Variants in CLK4 observed in about 807,000 individuals in gnomAD.
The protein encoded by CLK4 is CDC like kinase 4, also known as dual specificity protein kinase CLK4.
In CLK4, 37 loss-of-function variants were observed where a neutral mutation model predicts 64.4. That is an observed-to-expected ratio of 0.57 (90% CI 0.44 to 0.76). The LOEUF (loss-of-function observed/expected upper bound fraction) is 0.76. Ranked by LOEUF, CLK4 falls within the 30% of genes least tolerant of loss-of-function variation. The pLI is 0.00. For synonymous variants in CLK4, 175 were observed against 191.6 expected (o/e 0.91, Z 0.72); for missense variants, 457 against 605.1 (o/e 0.76, Z 2.57).
intron 2 of CLK4, chr5:178,620,711 C>T: frequency 8.5e-6 from 3 of 352,704 alleles, no homozygotes; most frequent in South Asian, 6.1e-5. Flanking sequence ...AAGGCAAAGT[C>T]CCTGCCAACA....
rs1764570704 is a variant in CLK4, at chr5:178,612,477, A to G, written c.990T>C (p.Asp330=). The stretch of plus-strand genomic sequence containing the variant: ...ACACCAAAGTACTGTGATGTTCATC[A>G]TCATACGTTGCACTTCCAAAGTCAA... ...KVVDFGSATY[D]DEHHSTLVST... The change falls in exon 9 of 13, where the codon GAT becomes GAC. Residue 330 remains aspartate (D), a synonymous_variant. Coordinates refer to ENST00000316308, the MANE Select transcript of CLK4 (RefSeq NM_020666.3). 2 of 1,614,136 alleles carry G rather than the reference A, an allele frequency of 1.2e-6. No homozygotes were observed. The highest frequency in any genetic ancestry group is 8.5e-7 in the Non-Finnish European group (1 of 1,179,990).
Position 178,627,030 on chromosome 5 carries a change from C to T in CLK4, c.-85G>A, listed in dbSNP as rs1764792849. 1.3e-5 allele frequency: 2 copies of T among 152,936 alleles called. No homozygotes were observed. Among genetic ancestry groups the T allele is most frequent in the African/African-American group, 4.8e-5 (2 of 41,604 alleles). The allele number at this position is 152,936 out of a possible 1,614,324, so 9.5% of individuals were successfully genotyped here. On this transcript the variant is annotated 5_prime_UTR_variant, in exon 1 of 13. It adds an upstream start codon to the 5' untranslated region. Coordinates refer to ENST00000316308, the MANE Select transcript of CLK4 (RefSeq NM_020666.3). ...CTCGGCCGCTGCGACAAACACCCCA[C>T]AAAATGGCGGCAGCGCCGTCGCCCT...
At chr5:178,626,683 C>G (rs527933898) in intron 1 of CLK4, among the ~76,000 whole-genome samples, 1 of 149,750 alleles carries the variant, frequency 6.7e-6, no homozygotes, top group South Asian at 2.1e-4. Context: ...CCGCGCTCGC[C>G]AGGCAGCAGG....
chr5:178,615,163 C>T (rs1205993393), intron 5 of CLK4, among the ~76,000 whole-genome samples: 2 of 151,992 alleles, frequency 1.3e-5, no homozygotes, highest in African/African-American at 4.8e-5. Context: ...CCAGCCAGAG[C>T]AACACAGTGA....
chr5:178,608,206 T>C (rs182003484), intron 10 of CLK4, among the ~76,000 whole-genome samples, 170 bp downstream of exon 10: 25 of 152,360 alleles, frequency 1.6e-4, no homozygotes, highest in Admixed American at 1.5e-3. Flanking sequence ...CACTCACTCA[T>C]AGTAATATTT....
chr5:178,622,448 C>T, intron 2 of CLK4: 1 of 985,590 alleles, frequency 1.0e-6, no homozygotes, highest in Non-Finnish European at 1.2e-6. Context: ...GTAAACAGTC[C>T]CAATGGAACA....
At chr5:178,606,370 TC>T (rs1266104661) in intron 10 of CLK4, among the ~76,000 whole-genome samples, 1 of 152,092 alleles carries the variant, frequency 6.6e-6, no homozygotes, top group African/African-American at 2.4e-5. Context: ...TTCTAAGACA[TC>T]AAACTTATCT....
chr5:178,625,044 T>C (rs1401254787), intron 1 of CLK4, among the ~76,000 whole-genome samples: 1 of 151,384 alleles, frequency 6.6e-6, no homozygotes, highest in Non-Finnish European at 1.5e-5. Flanking sequence ...AAAACTCTTG[T>C]TAGCGTCTCA....
intron 5 of CLK4, among the ~76,000 whole-genome samples, chr5:178,615,295 T>C (rs1177421442): frequency 8.5e-5 from 13 of 152,212 alleles, no homozygotes; most frequent in Admixed American, 8.5e-4. Context: ...CTGAATAAAG[T>C]CTGCAGATTA....
chr5:178,605,391 T>A lies in CLK4; in HGVS notation c.1135-9A>T. 6.5e-7 allele frequency: 1 copy of A among 1,547,656 alleles called. No homozygotes were observed. Among genetic ancestry groups the A allele is most frequent in the Admixed American group, 2.1e-5 (1 of 47,580 alleles). ...TCTTTACTATCATGAGTCTAAAACA[T>A]GTAAGAAAAAGAAATTTAGTACTCT... On this transcript the variant is annotated splice_polypyrimidine_tract_variant and intron_variant, in intron 10 of 12. Coordinates refer to ENST00000316308, the MANE Select transcript of CLK4 (RefSeq NM_020666.3).
chr5:178,617,371 G>T lies in CLK4; in HGVS notation c.448C>A (p.Gln150Lys). 6.2e-7 allele frequency: 1 copy of T among 1,613,902 alleles called. No individual in the cohort carries two copies. Among genetic ancestry groups the T allele is most frequent in the Non-Finnish European group, 8.5e-7 (1 of 1,179,780 alleles). The change falls in exon 4 of 13, where the codon CAA becomes AAA. Residue 150 changes from glutamine (Q) to lysine (K), a missense_variant. Gln to Lys is a moderately conservative substitution (Grantham distance 53, BLOSUM62 1). Transcript: ENST00000316308. The surrounding 1 kb of genome is among the most constrained non-coding windows in gnomAD (Gnocchi z 5.2). ...EDDEEGHLIC[Q>K]SGDVLRARYE... The stretch of plus-strand genomic sequence containing the variant: ...CTTGCTCTTAGAACGTCTCCACTTT[G>T]ACAGATCAGGTGACCCTCCTCATCA...
In CLK4 at chr5:178,613,573, C is replaced by T. The variant is rs765407044; in HGVS notation, c.726G>A (p.Leu242=). 9.3e-6 allele frequency: 15 copies of T among 1,612,428 alleles called. No individual in the cohort carries two copies. Among genetic ancestry groups the T allele is most frequent in the Middle Eastern group, 1.7e-4 (1 of 6,052 alleles). Residue 242 remains leucine (L), a synonymous_variant, in exon 7 of 13, where the codon CTG becomes CTA. Transcript: ENST00000316308. ...HGHVCIVFEL[L]GLSTYDFIKE... Reference sequence around the variant, plus strand: ...TAATGAAATCGTAAGTACTAAGTCCCAGTAGTTCAAACACAATACAAACAT... The same window carrying T: ...TAATGAAATCGTAAGTACTAAGTCCTAGTAGTTCAAACACAATACAAACAT...
At position 178,612,510 on chromosome 5, in the gene CLK4, G is replaced by C; in HGVS notation, c.957C>G (p.Ile319Met). The change falls in exon 9 of 13, where the codon ATC becomes ATG. Residue 319 changes from isoleucine to methionine, a missense_variant. Ile to Met is a conservative substitution (Grantham distance 10). Transcript: ENST00000316308. ...TTGCACTTCCAAAGTCAACAACTTT[G>C]ATATCTGTGTTTTTCAGTGTGCGTT... ...RDERTLKNTDIKVVDFGSATY... is the reference protein window; with the variant it reads ...RDERTLKNTDMKVVDFGSATY... 1.2e-6 allele frequency: 2 copies of C among 1,614,020 alleles called. No homozygotes were observed. The highest frequency in any genetic ancestry group is 1.7e-6 in the Non-Finnish European group (2 of 1,179,938).
chr5:178,616,484 G>A (rs892439047), intron 5 of CLK4, among the ~76,000 whole-genome samples: 9 of 152,064 alleles, frequency 5.9e-5, no homozygotes, highest in African/African-American at 1.7e-4. Context: ...CCCAAAACAC[G>A]TGGCTACCAT....
At chr5:178,605,419 A>G (rs748996840) in intron 10 of CLK4, 37 bp from the exon 11 acceptor site, 29 of 1,211,212 alleles carry the variant, frequency 2.4e-5, no homozygotes, top group South Asian at 2.3e-4. Context: ...AGTACTCTCC[A>G]TTTCCCTACA....
intron 1 of CLK4, among the ~76,000 whole-genome samples, chr5:178,624,553 C>T (rs1370238417): frequency 6.6e-6 from 1 of 152,160 alleles, no homozygotes; most frequent in Non-Finnish European, 1.5e-5. Context: ...CCAGGCTCAG[C>T]ATCTGCGCTC....
intron 11 of CLK4, 101 bp from the exon 12 acceptor site, chr5:178,604,035 G>T (rs1247008314): frequency 5.0e-6 from 4 of 807,418 alleles, no homozygotes; most frequent in Non-Finnish European, 7.9e-6. Flanking sequence ...CTCTCTAAGT[G>T]TATAGACTTA....
At chr5:178,625,488 C>G (rs1466726545) in intron 1 of CLK4, among the ~76,000 whole-genome samples, 1 of 151,536 alleles carries the variant, frequency 6.6e-6, no homozygotes, top group African/African-American at 2.4e-5. Context: ...AGCGTTCCGT[C>G]AAATACCAAA....
chr5:178,612,234 G>A (rs1764567208), intron 9 of CLK4, among the ~76,000 whole-genome samples, 182 bp downstream of exon 9: 2 of 152,162 alleles, frequency 1.3e-5, no homozygotes, highest in African/African-American at 4.8e-5. Context: ...TTCCCAGACA[G>A]TATCACATGT....
Sources: allele counts gnomAD v4.1 joint callset (sites outside exome capture counted in the v4.1 genomes callset), GRCh38; gene constraint gnomAD v4.1.1; non-coding constraint Gnocchi (gnomAD v3.1); transcripts MANE v1.5; gene names NCBI Gene and HGNC (gene_info 2026-07-23, HGNC 2026-07-21).